CEMIP2: variants seen among roughly 807,000 people sequenced by gnomAD.
The protein encoded by CEMIP2 is cell migration inducing hyaluronidase 2, also known as cell surface hyaluronidase CEMIP2.
A neutral mutation model predicts 146.9 loss-of-function variants in CEMIP2; 79 were observed. That is an observed-to-expected ratio of 0.54 (90% confidence interval 0.45 to 0.65). The LOEUF is 0.65. Among genes scored for constraint, CEMIP2 ranks in the 30% least tolerant of loss-of-function variants. The pLI is 0.00. For synonymous variants in CEMIP2, 601 were observed against 606.3 expected (o/e 0.99, Z 0.13); for missense variants, 1,596 against 1,696.2 (o/e 0.94, Z 1.04).
chr9:71,698,111 G>T lies in CEMIP2; in HGVS notation c.3471C>A (p.Ala1157=). The T allele has an allele frequency of 1.2e-6, 2 of 1,614,092 alleles. No homozygotes were observed. The highest frequency in any genetic ancestry group is 1.7e-6 in the Non-Finnish European group (2 of 1,180,012). The part of the protein sequence containing the change: ...QGCERVKIQA[A]TDSKDISNCM... ...AGTTACTGATGTCCTTTGAGTCTGT[G>T]GCTGCTTGGATCTTGACTCTTTCAC... Residue 1157 remains alanine, a synonymous_variant, in exon 20 of 24, where the codon GCC becomes GCA. Transcript: ENST00000377044.
chr9:71,709,825 T>C (rs921442351), intron 16 of CEMIP2, among the ~76,000 whole-genome samples: 1 of 152,244 alleles, frequency 6.6e-6, no homozygotes, highest in African/African-American at 2.4e-5. Flanking sequence ...GAAGGGAGAC[T>C]ATGCAGTCAC....
At chr9:71,755,346 TACACACACACACAC>T (rs34581447) in intron 1 of CEMIP2, among the ~76,000 whole-genome samples, 34 of 134,928 alleles carry the variant, frequency 2.5e-4, no homozygotes, top group African/African-American at 1.7e-4. Flanking sequence ...ACCCTGTCTC[TACACACACACACAC>T]ACACACACAC....
chr9:71,755,499 G>C (rs1824408579), intron 1 of CEMIP2, among the ~76,000 whole-genome samples: 1 of 151,844 alleles, frequency 6.6e-6, no homozygotes, highest in African/African-American at 2.4e-5. Flanking sequence ...AGTGAGCCAT[G>C]AATGAACCAC....
chr9:71,735,964 C>T (rs1823750469), intron 5 of CEMIP2, among the ~76,000 whole-genome samples: 3 of 151,518 alleles, frequency 2.0e-5, no homozygotes, highest in Admixed American at 1.3e-4. Flanking sequence ...CATGGTGGCA[C>T]ACGCTTGTGG....
Position 71,745,155 on chromosome 9 carries a change from C to T in CEMIP2, c.897G>A (p.Glu299=), listed in dbSNP as rs370868438. Reference sequence around the variant, plus strand: ...GACCTGGATCCTGGAATCTCAGAAACTCCTGAAGCCGCCTGCTCTCATTGC... The same window carrying T: ...GACCTGGATCCTGGAATCTCAGAAATTCCTGAAGCCGCCTGCTCTCATTGC... ...EYRNESRRLQ[E]FLRFQDPGRI... Residue 299 remains glutamate (E), a synonymous_variant, in exon 4 of 24, where the codon GAG becomes GAA. Coordinates refer to ENST00000377044, the MANE Select transcript of CEMIP2 (RefSeq NM_013390.3). 109 of 1,614,052 alleles carry T rather than the reference C, an allele frequency of 6.8e-5. No homozygotes were observed. Among genetic ancestry groups the T allele is most frequent in the Non-Finnish European group, 8.8e-5 (104 of 1,180,030 alleles).
chr9:71,702,027 G>A (rs1238162025), intron 18 of CEMIP2, among the ~76,000 whole-genome samples: 1 of 152,160 alleles, frequency 6.6e-6, no homozygotes, highest in East Asian at 1.9e-4. Flanking sequence ...GGAGGCTGAG[G>A]TAGGTGGATT....
At chr9:71,751,664 C>T (rs1408238362) in intron 1 of CEMIP2, among the ~76,000 whole-genome samples, 1 of 152,124 alleles carries the variant, frequency 6.6e-6, no homozygotes, top group African/African-American at 2.4e-5. Context: ...CTGGATTTTA[C>T]ATTTTAAAAA....
At chr9:71,723,451 G>C (rs1487261669) in intron 11 of CEMIP2, among the ~76,000 whole-genome samples, 1 of 151,942 alleles carries the variant, frequency 6.6e-6, no homozygotes, top group Non-Finnish European at 1.5e-5. Context: ...ACTAACAGTG[G>C]AAAACAGATA....
intron 10 of CEMIP2, among the ~76,000 whole-genome samples, chr9:71,728,741 G>A (rs967514481): frequency 6.6e-6 from 1 of 151,968 alleles, no homozygotes; most frequent in African/African-American, 2.4e-5. Context: ...CCTGACCAGA[G>A]TGACAACTGT....
intron 18 of CEMIP2, among the ~76,000 whole-genome samples, chr9:71,702,066 C>T (rs767572110): frequency 1.6e-4 from 24 of 151,958 alleles, no homozygotes; most frequent in Non-Finnish European, 3.1e-4. Flanking sequence ...AAGACCAGCC[C>T]GGGCAACATG....
At chr9:71,732,256 T>A (rs1823640188) in intron 7 of CEMIP2, 95 bp downstream of exon 7, 3 of 1,247,802 alleles carry the variant, frequency 2.4e-6, no homozygotes, top group Non-Finnish European at 3.3e-6. Context: ...TTGCTTTTAA[T>A]ATCCATTTAT....
intron 8 of CEMIP2, among the ~76,000 whole-genome samples, 176 bp downstream of exon 8, chr9:71,730,529 G>A (rs1823585956): frequency 6.6e-6 from 1 of 152,150 alleles, no homozygotes; most frequent in Non-Finnish European, 1.5e-5. Context: ...GGATACTCTG[G>A]GTGGTTGGAA....
In CEMIP2 at chr9:71,750,317, T is replaced by A. The variant is rs1287850912; in HGVS notation, c.57A>T (p.Gly19=). 2.5e-6 allele frequency: 4 copies of A among 1,613,828 alleles called. No homozygotes were observed. In the African/African-American group the frequency reaches 5.3e-5, roughly 22 times the overall value. Residue 19 remains glycine, a synonymous_variant, in exon 2 of 24, where the codon GGA becomes GGT. Coordinates refer to ENST00000377044, the MANE Select transcript of CEMIP2 (RefSeq NM_013390.3). ...CATAGCCAGATGGGTGACGACTATT[T>A]CCATTCTGAGGTTGGAGGAAAGCAG... ...HSPAFLQPQN[G]NSRHPSGYVP...
At chr9:71,722,949 G>C (rs978206968) in intron 11 of CEMIP2, among the ~76,000 whole-genome samples, 1 of 150,098 alleles carries the variant, frequency 6.7e-6, no homozygotes, top group Non-Finnish European at 1.5e-5. Context: ...AGGATTCAGG[G>C]AATGTCTCCT....
Position 71,730,161 on chromosome 9 carries a change from T to A in CEMIP2, c.1866A>T (p.Gly622=). 6.2e-7 allele frequency: 1 copy of A among 1,613,880 alleles called. No homozygotes were observed. The highest frequency in any genetic ancestry group is 1.1e-5 in the South Asian group (1 of 91,062). The change falls in exon 9 of 24, where the codon GGA becomes GGT. Residue 622 remains glycine (G), a synonymous_variant. Transcript: ENST00000377044. ...EQRNTLFHNL[G]LLTKPGTLLP... is the part of the protein sequence containing the mutation. Reference sequence around the variant, plus strand: ...GGAGAGTACCCGGCTTGGTGAGGAGTCCCAGATTGTGGAACAAAGTATTCC... The same window carrying A: ...GGAGAGTACCCGGCTTGGTGAGGAGACCCAGATTGTGGAACAAAGTATTCC...
chr9:71,743,699 G>A (rs1205135877), intron 4 of CEMIP2, among the ~76,000 whole-genome samples: 1 of 151,996 alleles, frequency 6.6e-6, no homozygotes, highest in Non-Finnish European at 1.5e-5. Context: ...ATTAACCATG[G>A]GCTCTGAGAC....
At chr9:71,728,277 A>ACGTATATATATATATACG (rs1554684713) in intron 10 of CEMIP2, among the ~76,000 whole-genome samples, 1 of 10,782 alleles carries the variant, frequency 9.3e-5, no homozygotes, top group Non-Finnish European at 2.5e-4. Context: ...ATATATATAT[A>ACGTATATATATATATACG]TATGTATATA....
At chr9:71,766,748 A>G (rs897737422) in intron 1 of CEMIP2, among the ~76,000 whole-genome samples, 1 of 152,252 alleles carries the variant, frequency 6.6e-6, no homozygotes, top group African/African-American at 2.4e-5. Flanking sequence ...TCAGCTCACT[A>G]TCTCATTCAC....
rs748171339 is a variant in CEMIP2 at position 71,698,116 on chromosome 9, C to G, written c.3466G>C (p.Ala1156Pro). The change falls in exon 20 of 24, where the codon GCA (alanine) becomes CCA (proline). Residue 1156 changes from alanine to proline, a missense_variant. Coordinates refer to ENST00000377044, the MANE Select transcript of CEMIP2 (RefSeq NM_013390.3). ...SQGCERVKIQ[A>P]ATDSKDISNC... is the part of the protein sequence containing the mutation. ...CTGATGTCCTTTGAGTCTGTGGCTG[C>G]TTGGATCTTGACTCTTTCACATCCC... is the stretch of plus-strand genomic sequence containing the variant. 6.2e-7 allele frequency: 1 copy of G among 1,614,140 alleles called. No individual in the cohort carries two copies. The highest frequency in any genetic ancestry group is 2.2e-5 in the East Asian group (1 of 44,872).
Sources: allele counts gnomAD v4.1 joint callset (sites outside exome capture counted in the v4.1 genomes callset), GRCh38; gene constraint gnomAD v4.1.1; transcripts MANE v1.5; gene names NCBI Gene and HGNC (gene_info 2026-07-23, HGNC 2026-07-21).